Variants in RIMBP2 observed in about 807,000 individuals in gnomAD.
RIMBP2 encodes the protein RIMS binding protein 2.
A neutral mutation model predicts 118.6 loss-of-function variants in RIMBP2; 48 were observed. The ratio of observed to expected loss-of-function variants is 0.40; its 90% CI spans 0.32 to 0.51. RIMBP2 has a LOEUF of 0.51. RIMBP2 is among the 20% of genes least tolerant of loss of function. The pLI is 0.41. For missense variants in RIMBP2, 1,551 were observed against 1,768.3 expected, an observed-to-expected ratio of 0.88 and a Z score of 2.20; for synonymous variants, 762 against 742.9, an observed-to-expected ratio of 1.03 and a Z score of -0.42.
chr12:130,492,906 G>A (rs906449033), intron 4 of RIMBP2, among the ~76,000 whole-genome samples: 3 of 152,248 alleles, frequency 2.0e-5, no homozygotes, highest in Non-Finnish European at 4.4e-5. Context: ...GAGGCGGGTG[G>A]ATTGCTTGAG....
chr12:130,534,198 A>G (rs1200932607), intron 2 of RIMBP2, among the ~76,000 whole-genome samples: 2 of 128,706 alleles, frequency 1.6e-5, no homozygotes, highest in African/African-American at 5.7e-5. Flanking sequence ...AGAGAGTAGA[A>G]TGATAGACAC....
At chr12:130,665,997 A>C (rs895034217) in intron 1 of RIMBP2, among the ~76,000 whole-genome samples, 1 of 152,158 alleles carries the variant, frequency 6.6e-6, no homozygotes, top group African/African-American at 2.4e-5. Flanking sequence ...TTTCTGAATC[A>C]TCTGACAGCA....
chr12:130,520,365 C>T (rs2051951399), intron 2 of RIMBP2, among the ~76,000 whole-genome samples: 1 of 152,024 alleles, frequency 6.6e-6, no homozygotes, highest in Non-Finnish European at 1.5e-5. Flanking sequence ...ACAGGCACTT[C>T]AGATACCACT....
intron 1 of RIMBP2, among the ~76,000 whole-genome samples, chr12:130,669,443 G>A (rs1289088318): frequency 1.3e-5 from 2 of 152,156 alleles, no homozygotes; most frequent in Non-Finnish European, 2.9e-5. Flanking sequence ...CAGGTGGGAG[G>A]TGATTGCACC....
At position 130,441,838 on chromosome 12, in the gene RIMBP2, C is replaced by A; in HGVS notation, c.1504+10G>T. 1 of 1,611,042 alleles carries A rather than the reference C, an allele frequency of 6.2e-7. No homozygotes were observed. Among genetic ancestry groups the A allele is most frequent in the South Asian group, 1.1e-5 (1 of 90,814 alleles). ...TCCCTGGGGGACCCACGGAAGGACA[C>A]AGGGCTCACCTGCAGGCAACGTGGA... On this transcript the variant is annotated intron_variant, in intron 11 of 22. Coordinates refer to ENST00000690449, the MANE Select transcript of RIMBP2 (RefSeq NM_001393629.1).
intron 2 of RIMBP2, among the ~76,000 whole-genome samples, chr12:130,563,020 C>T (rs2056935638): frequency 6.6e-6 from 1 of 152,204 alleles, no homozygotes; most frequent in Non-Finnish European, 1.5e-5. Flanking sequence ...TTACTGATCT[C>T]ATCTATCTTT....
At chr12:130,690,918 A>G (rs2065280893) in intron 1 of RIMBP2, among the ~76,000 whole-genome samples, 1 of 152,092 alleles carries the variant, frequency 6.6e-6, no homozygotes, top group African/African-American at 2.4e-5. Flanking sequence ...ACCAGCCCAC[A>G]GGGAAGCCTG....
chr12:130,409,588 C>G (rs532038347), intron 19 of RIMBP2, among the ~76,000 whole-genome samples: 1 of 152,194 alleles, frequency 6.6e-6, no homozygotes, highest in Admixed American at 6.5e-5. Context: ...CATGATCCGC[C>G]CACCTCGGCC....
In RIMBP2 at chr12:130,670,168, G is replaced by C. The variant is rs533645505; in HGVS notation, c.-351-41712C>G. ...CTGCCAGGAGCCCAGGAATGCCTAC[G>C]GTTGGGAGAGACAAGGAAGAGGCCC... On this transcript the variant is annotated intron_variant, in intron 1 of 22. Coordinates refer to ENST00000690449, the MANE Select transcript of RIMBP2 (RefSeq NM_001393629.1). This position sits in a 1 kb window ranked among gnomAD's most constrained non-coding sequence, Gnocchi z 4.9. Among the ~76,000 whole-genome samples the C allele has an allele frequency of 1.1e-3, 170 of 152,154 alleles. No individual in the cohort carries two copies. Among genetic ancestry groups the C allele is most frequent in the Non-Finnish European group, 4.4e-5 (3 of 68,002 alleles).
chr12:130,673,344 T>C (rs1391258595), intron 1 of RIMBP2, among the ~76,000 whole-genome samples: 1 of 152,172 alleles, frequency 6.6e-6, no homozygotes. Context: ...ACAAAGAGGC[T>C]AAAAGCCTAT....
At chr12:130,680,192 T>TA (rs1250292291) in intron 1 of RIMBP2, among the ~76,000 whole-genome samples, 2 of 152,254 alleles carry the variant, frequency 1.3e-5, no homozygotes, top group Non-Finnish European at 2.9e-5. Flanking sequence ...AAGTTCTCAG[T>TA]AAAAATCTCC....
At chr12:130,542,055 C>G (rs2054663441) in intron 2 of RIMBP2, among the ~76,000 whole-genome samples, 1 of 150,518 alleles carries the variant, frequency 6.6e-6, no homozygotes, top group Non-Finnish European at 1.5e-5. Flanking sequence ...AAACCCCTAT[C>G]ATAGAACTCA....
intron 2 of RIMBP2, among the ~76,000 whole-genome samples, chr12:130,582,465 C>G (rs562346142): frequency 6.6e-4 from 100 of 152,210 alleles, no homozygotes; most frequent in Non-Finnish European, 1.2e-3. Context: ...CTGCCACGCC[C>G]GCCCACCTGC....
At position 130,577,029 on chromosome 12, in the gene RIMBP2, G is replaced by A. The variant is rs545463483; in HGVS notation, c.-217+51293C>T. Among the ~76,000 whole-genome samples the A allele has an allele frequency of 2.6e-5, 4 of 152,280 alleles. No individual in the cohort carries two copies. The South Asian group carries it at 6.2e-4, about 24-fold the overall frequency. On this transcript the variant is annotated intron_variant, in intron 2 of 22. Coordinates refer to ENST00000690449, the MANE Select transcript of RIMBP2 (RefSeq NM_001393629.1). ...GGTTTGCAAGGTCACCATGGGCTGC[G>A]TTGAAGGATTTCTCCTTTCTTGTCT...
rs1416837120 is a variant in RIMBP2 at position 130,608,834 on chromosome 12, C to T, written c.-217+19488G>A. 3.3e-5 allele frequency among the ~76,000 whole-genome samples: 5 copies of T among 152,148 alleles called. No individual in the cohort carries two copies. In the East Asian group the frequency reaches 9.6e-4, roughly 29 times the overall value. ...ACTCTCTTAACATTTTTAACCAATACATCGTCATTAACTATGGTCAGCTTG... is the reference window on the plus strand; with the variant it reads ...ACTCTCTTAACATTTTTAACCAATATATCGTCATTAACTATGGTCAGCTTG... On this transcript the variant is annotated intron_variant, in intron 2 of 22. Transcript: ENST00000690449.
intron 4 of RIMBP2, among the ~76,000 whole-genome samples, chr12:130,483,545 C>T (rs2082206275): frequency 6.6e-6 from 1 of 152,288 alleles, no homozygotes; most frequent in South Asian, 2.1e-4. Context: ...GGAAGCCCCC[C>T]ACCAAGATGG....
intron 2 of RIMBP2, among the ~76,000 whole-genome samples, chr12:130,521,058 T>C (rs2052053530): frequency 6.6e-6 from 1 of 152,214 alleles, no homozygotes; most frequent in African/African-American, 2.4e-5. Flanking sequence ...CATGCATGTG[T>C]TTGCAGGCCT....
chr12:130,570,937 T>C (rs945545036), intron 2 of RIMBP2, among the ~76,000 whole-genome samples: 7 of 151,986 alleles, frequency 4.6e-5, no homozygotes, highest in East Asian at 1.9e-4. Context: ...CTGCTACGCA[T>C]TGGGGGATGT....
intron 2 of RIMBP2, among the ~76,000 whole-genome samples, chr12:130,571,732 C>G (rs917276671): frequency 6.6e-6 from 1 of 152,148 alleles, no homozygotes. Context: ...TGGGACAAAA[C>G]GGGAACCTCA....
Sources: allele counts gnomAD v4.1 joint callset (sites outside exome capture counted in the v4.1 genomes callset), GRCh38; gene constraint gnomAD v4.1.1; non-coding constraint Gnocchi (gnomAD v3.1); transcripts MANE v1.5; gene names NCBI Gene and HGNC (gene_info 2026-07-23, HGNC 2026-07-21).